The following DENND2A variants were observed in gnomAD, a reference collection of about 807,000 sequenced individuals.
DENND2A encodes DENN domain-containing protein 2A.
DENND2A carries 53 observed loss-of-function variants against 105.3 expected under a neutral mutation model. That is an observed-to-expected ratio of 0.50 (90% CI 0.40 to 0.63). The LOEUF (loss-of-function observed/expected upper bound fraction) is 0.63, where lower values mean the gene tolerates loss of function less well. Ranked by LOEUF, DENND2A falls within the 30% of genes least tolerant of loss-of-function variation. The pLI is 0.00. For missense variants in DENND2A, 1,138 were observed against 1,279.6 expected (o/e 0.89, Z 1.69); for synonymous variants, 522 against 508.4 (o/e 1.03, Z -0.36).
chr7:140,603,399 C>T (rs1799589507), intron 2 of DENND2A, among the ~76,000 whole-genome samples: 1 of 152,208 alleles, frequency 6.6e-6, no homozygotes, highest in South Asian at 2.1e-4. Context: ...TATTTAAAAA[C>T]TAAAACAACA....
chr7:140,538,090 A>C (rs1460659873), intron 14 of DENND2A, among the ~76,000 whole-genome samples: 2 of 152,226 alleles, frequency 1.3e-5, no homozygotes, highest in African/African-American at 4.8e-5. Context: ...AAACAGAGCA[A>C]AAATGTTATT....
chr7:140,577,193 T>TG (rs1362745140), intron 5 of DENND2A, among the ~76,000 whole-genome samples: 14 of 152,256 alleles, frequency 9.2e-5, no homozygotes, highest in African/African-American at 3.1e-4. Context: ...GACTTAGCTG[T>TG]GGGTGAGAGT....
chr7:140,519,486 T>G, intron 19 of DENND2A, 146 bp downstream of exon 19: 1 of 604,554 alleles, frequency 1.7e-6, no homozygotes. Flanking sequence ...GAACAGGAGG[T>G]TAAAATGCCA....
intron 1 of DENND2A, among the ~76,000 whole-genome samples, chr7:140,623,175 T>A (rs1408393623): frequency 3.4e-5 from 5 of 147,224 alleles, no homozygotes; most frequent in Non-Finnish European, 7.5e-5. Context: ...ATTAGCCAGG[T>A]GTGGTGGCGG....
chr7:140,622,189 G>A (rs1308092184), intron 1 of DENND2A, among the ~76,000 whole-genome samples: 1 of 152,132 alleles, frequency 6.6e-6, no homozygotes, highest in African/African-American at 2.4e-5. Context: ...CTTGAAGCCA[G>A]GAGTTCAAGA....
intron 11 of DENND2A, among the ~76,000 whole-genome samples, chr7:140,556,383 G>C (rs368280654): frequency 1.3e-5 from 2 of 151,972 alleles, no homozygotes; most frequent in African/African-American, 4.8e-5. Context: ...CTGTTGTCCA[G>C]ACTGGAGTGC....
intron 1 of DENND2A, among the ~76,000 whole-genome samples, chr7:140,632,478 G>T (rs1198678790): frequency 6.6e-6 from 1 of 152,218 alleles, no homozygotes; most frequent in Non-Finnish European, 1.5e-5. Context: ...CCAACTCTCA[G>T]CCTTTACCAG....
At chr7:140,596,918 A>G (rs1799307341) in intron 3 of DENND2A, among the ~76,000 whole-genome samples, 1 of 152,214 alleles carries the variant, frequency 6.6e-6, no homozygotes, top group Non-Finnish European at 1.5e-5. Context: ...AAACACATAT[A>G]ACCAAGTTAA....
At chr7:140,587,520 G>T in intron 4 of DENND2A, 133 bp downstream of exon 4, 2 of 1,249,548 alleles carry the variant, frequency 1.6e-6, no homozygotes, top group Non-Finnish European at 2.2e-6. Flanking sequence ...TTTTTCATCC[G>T]AGTGCACAGG....
Position 140,588,311 on chromosome 7 carries a change from T to C in DENND2A, c.996-531A>G, listed in dbSNP as rs535262304. ...TATGCTAAGTGAAAATAATAAAGTA[T>C]ATGTAAAAAAATAAAATCCCAACTT... On this transcript the variant is annotated intron_variant, in intron 3 of 19. Coordinates refer to ENST00000496613, the MANE Select transcript of DENND2A (RefSeq NM_015689.5). 1.5e-3 allele frequency among the ~76,000 whole-genome samples: 222 copies of C among 152,226 alleles called. No homozygotes were observed. In the Middle Eastern group the frequency reaches 0.017, roughly 12 times the overall value.
At chr7:140,547,052 T>C in intron 12 of DENND2A, 113 bp from the exon 13 acceptor site, 1 of 1,384,400 alleles carries the variant, frequency 7.2e-7, no homozygotes, top group Non-Finnish European at 9.8e-7. Flanking sequence ...GGGGAAGCCC[T>C]GCTTTCCCCA....
intron 1 of DENND2A, among the ~76,000 whole-genome samples, chr7:140,635,029 G>A (rs186206842): frequency 5.9e-5 from 9 of 152,060 alleles, no homozygotes; most frequent in Non-Finnish European, 8.8e-5. Flanking sequence ...TTGCAAGGCC[G>A]AGGCAGGTGG....
chr7:140,627,367 A>G (rs1046431416), intron 1 of DENND2A, among the ~76,000 whole-genome samples: 4 of 151,872 alleles, frequency 2.6e-5, no homozygotes, highest in Admixed American at 2.0e-4. Context: ...GCACACCACC[A>G]TGCCTGGCTA....
intron 16 of DENND2A, among the ~76,000 whole-genome samples, chr7:140,524,545 C>T (rs983581257): frequency 2.6e-5 from 4 of 152,164 alleles, no homozygotes; most frequent in Middle Eastern, 3.4e-3. Context: ...CACGCACACA[C>T]GTATATACAT....
At chr7:140,557,531 ATTT>A (rs1156756617) in intron 11 of DENND2A, among the ~76,000 whole-genome samples, 21 of 39,632 alleles carry the variant, frequency 5.3e-4, no homozygotes, top group African/African-American at 1.3e-3. Context: ...ATATATATAT[ATTT>A]TTTTTTTTTT....
chr7:140,573,357 C>G (rs762342709), intron 6 of DENND2A, among the ~76,000 whole-genome samples: 1 of 152,114 alleles, frequency 6.6e-6, no homozygotes. Flanking sequence ...TGTATATTTC[C>G]AAGCCCCTGG....
intron 6 of DENND2A, among the ~76,000 whole-genome samples, chr7:140,570,825 A>G (rs1044645211): frequency 6.6e-6 from 1 of 152,234 alleles, no homozygotes; most frequent in Non-Finnish European, 1.5e-5. Context: ...ACCTGCTTCC[A>G]TGGAAAATGT....
chr7:140,523,238 A>T lies in DENND2A; in HGVS notation c.2665+69T>A. 6.7e-7 allele frequency: 1 copy of T among 1,482,534 alleles called. No individual in the cohort carries two copies. Among genetic ancestry groups the T allele is most frequent in the Non-Finnish European group, 9.4e-7 (1 of 1,061,072 alleles). 91.8% of individuals were successfully genotyped at this position (1,482,534 alleles called of 1,614,324 possible). On this transcript the variant is annotated intron_variant, in intron 17 of 19. Transcript: ENST00000496613. This position sits in a 1 kb window ranked among gnomAD's most constrained non-coding sequence, Gnocchi z 4.5. ...CCATATTCCTACTTGGCCCTTGGCCACTGCCCATTTGTTCCCTGACCCTCA... is the reference window on the plus strand; with the variant it reads ...CCATATTCCTACTTGGCCCTTGGCCTCTGCCCATTTGTTCCCTGACCCTCA...
intron 1 of DENND2A, among the ~76,000 whole-genome samples, chr7:140,636,649 C>T (rs1460368769): frequency 4.6e-5 from 7 of 151,050 alleles, no homozygotes; most frequent in Admixed American, 3.3e-4. Flanking sequence ...GCAGTGAGCC[C>T]TAAGTATCAG....
Sources: gnomAD v4.1 joint callset for allele counts (sites outside exome capture counted in the v4.1 genomes callset) on GRCh38, gnomAD v4.1.1 for gene constraint, Gnocchi (gnomAD v3.1) non-coding constraint, MANE v1.5 for transcripts, NCBI Gene and HGNC (gene_info 2026-07-23, HGNC 2026-07-21) for gene names.